Variants in PAMR1 observed in about 807,000 individuals in gnomAD.
The protein encoded by PAMR1 is peptidase domain containing associated with muscle regeneration 1.
Under a neutral mutation model 81.8 loss-of-function variants are expected in PAMR1, and 88 were observed. That is an observed-to-expected ratio of 1.08 (90% CI 0.91 to 1.28). The LOEUF (loss-of-function observed/expected upper bound fraction) is 1.28. Ranked by LOEUF, PAMR1 falls within the 50% of genes most tolerant of loss-of-function variation. The probability of loss-of-function intolerance (pLI) is 0.00; values close to 1 mark genes in which losing one functional copy is unlikely to be tolerated. For synonymous variants in PAMR1, 336 were observed against 345.3 expected, an observed-to-expected ratio of 0.97 and a Z score of 0.30; for missense variants, 935 against 919.7, an observed-to-expected ratio of 1.02 and a Z score of -0.21.
chr11:35,480,960 T>G (rs1265307901), intron 3 of PAMR1, among the ~76,000 whole-genome samples: 1 of 152,316 alleles, frequency 6.6e-6, no homozygotes, highest in Non-Finnish European at 1.5e-5. Flanking sequence ...TGGTGGTTGG[T>G]TTTCTGTTCC....
chr11:35,526,883 A>C (rs528706702), upstream of PAMR1, among the ~76,000 whole-genome samples: 45 of 152,138 alleles, frequency 3.0e-4, no homozygotes, highest in East Asian at 1.9e-3. Context: ...TAAAAGTTTT[A>C]ATTTTGTTCT....
At chr11:35,467,399 T>C (rs1443163550) in intron 6 of PAMR1, among the ~76,000 whole-genome samples, 1 of 152,232 alleles carries the variant, frequency 6.6e-6, no homozygotes, top group African/African-American at 2.4e-5. Flanking sequence ...CTTATGCACA[T>C]CACATTCCAT....
At chr11:35,502,170 T>C (rs1850860077) in intron 1 of PAMR1, among the ~76,000 whole-genome samples, 2 of 152,212 alleles carry the variant, frequency 1.3e-5, no homozygotes, top group African/African-American at 4.8e-5. Flanking sequence ...TCTGCATTTT[T>C]TTCATATACC....
chr11:35,449,015 C>T (rs1856355789), intron 6 of PAMR1, among the ~76,000 whole-genome samples: 1 of 152,240 alleles, frequency 6.6e-6, no homozygotes, highest in Non-Finnish European at 1.5e-5. Context: ...CTCCTTCCTC[C>T]AGGAGCTCCA....
intron 3 of PAMR1, among the ~76,000 whole-genome samples, chr11:35,475,878 A>T (rs888343306): frequency 5.3e-5 from 8 of 152,210 alleles, no homozygotes; most frequent in African/African-American, 1.9e-4. Context: ...ATTCACATAA[A>T]AAGTTTACCT....
chr11:35,444,658 T>C (rs913531505), intron 6 of PAMR1, among the ~76,000 whole-genome samples: 9 of 152,168 alleles, frequency 5.9e-5, no homozygotes, highest in Non-Finnish European at 1.0e-4. Context: ...GTTGTAGATG[T>C]GTGGTCTTAT....
intron 6 of PAMR1, among the ~76,000 whole-genome samples, chr11:35,443,713 T>C (rs1195404050): frequency 2.0e-5 from 3 of 152,206 alleles, no homozygotes; most frequent in South Asian, 2.1e-4. Flanking sequence ...TTCCTTTGGG[T>C]ATATACCCAG....
At chr11:35,468,628 G>C (rs1044166178) in intron 5 of PAMR1, among the ~76,000 whole-genome samples, 1 of 152,306 alleles carries the variant, frequency 6.6e-6, no homozygotes, top group Admixed American at 6.5e-5. Context: ...TAAGGGTTCT[G>C]AGCTCAAATA....
chr11:35,491,043 C>T (rs1850615183), intron 3 of PAMR1, among the ~76,000 whole-genome samples: 1 of 152,168 alleles, frequency 6.6e-6, no homozygotes. Context: ...CTGCCAGGTA[C>T]TGAATTAAAT....
intron 1 of PAMR1, among the ~76,000 whole-genome samples, chr11:35,517,778 G>T: frequency 6.6e-6 from 1 of 152,210 alleles, no homozygotes; most frequent in South Asian, 2.1e-4. Flanking sequence ...AGTGCCTTCA[G>T]AAAAAGGACT....
intron 1 of PAMR1, among the ~76,000 whole-genome samples, chr11:35,524,962 T>C (rs889344841): frequency 6.6e-6 from 1 of 152,174 alleles, no homozygotes; most frequent in African/African-American, 2.4e-5. Flanking sequence ...AAAGGAAGTG[T>C]GTCTATATAT....
intron 3 of PAMR1, among the ~76,000 whole-genome samples, chr11:35,481,522 T>A (rs1850390548): frequency 6.6e-6 from 1 of 152,048 alleles, no homozygotes. Context: ...GTTTGTTTGT[T>A]TGTTTGTTTG....
upstream of PAMR1, among the ~76,000 whole-genome samples, chr11:35,528,689 T>A (rs566318184): frequency 2.6e-5 from 4 of 152,222 alleles, no homozygotes; most frequent in Non-Finnish European, 4.4e-5. Flanking sequence ...TTATTTTTCC[T>A]TCCCAACAAA....
At chr11:35,506,097 A>G (rs2135413214) in intron 1 of PAMR1, among the ~76,000 whole-genome samples, 1 of 150,240 alleles carries the variant, frequency 6.7e-6, no homozygotes, top group East Asian at 1.9e-4. Flanking sequence ...TAAACAGATG[A>G]CAACTTACCT....
chr11:35,443,889 C>A (rs1007902853), intron 6 of PAMR1, among the ~76,000 whole-genome samples: 1 of 152,162 alleles, frequency 6.6e-6, no homozygotes, highest in Admixed American at 6.5e-5. Flanking sequence ...TTTAAATACT[C>A]GCCATTGCGA....
At chr11:35,447,249 C>G (rs1290474706) in intron 6 of PAMR1, among the ~76,000 whole-genome samples, 2 of 142,390 alleles carry the variant, frequency 1.4e-5, no homozygotes, top group African/African-American at 5.2e-5. Context: ...GTTACCCAGG[C>G]TGCAGTGCAG....
rs186558002 is a variant in PAMR1 at position 35,505,058 on chromosome 11, T to C, written c.74-10786A>G. ...GATTTTGGTATGTTGTATTTCCATT[T>C]TGATTTGTTTGAAGAAATTTTTAAA... On this transcript the variant is annotated intron_variant, in intron 1 of 10. Transcript: ENST00000619888. 1.1e-3 allele frequency among the ~76,000 whole-genome samples: 163 copies of C among 152,198 alleles called. 1 individual carries two copies. The highest frequency in any genetic ancestry group is 3.6e-3 in the African/African-American group (150 of 41,564).
intron 3 of PAMR1, among the ~76,000 whole-genome samples, chr11:35,488,186 C>T (rs897604669): frequency 6.8e-6 from 1 of 147,250 alleles, no homozygotes; most frequent in South Asian, 2.1e-4. Flanking sequence ...ACCTGTTTAA[C>T]CCTTTCCCAT....
Position 35,474,629 on chromosome 11 carries a change from C to T in PAMR1, c.494+1G>A, listed in dbSNP as rs576718252. On this transcript the variant is annotated splice_donor_variant, in intron 4 of 10. Transcript: ENST00000619888. LOFTEE classifies it high-confidence loss of function. ...CCTGACTTCTGGCCCCAGCTCCTTA[C>T]CTTAGTTGGATGACAAACCCAGGTT... is the stretch of plus-strand genomic sequence containing the variant. 4 of 1,574,018 alleles carry T rather than the reference C, an allele frequency of 2.5e-6. No homozygotes were observed. The highest frequency in any genetic ancestry group is 8.7e-7 in the Non-Finnish European group (1 of 1,152,170).
Sources: gnomAD v4.1 joint callset for allele counts (sites outside exome capture counted in the v4.1 genomes callset) on GRCh38, gnomAD v4.1.1 for gene constraint, MANE v1.5 for transcripts, NCBI Gene and HGNC (gene_info 2026-07-23, HGNC 2026-07-21) for gene names.